CFAP44: variants seen among roughly 807,000 people sequenced by gnomAD.
CFAP44 encodes the protein cilia and flagella associated protein 44.
CFAP44 carries 134 observed loss-of-function variants against 216.2 expected under a neutral mutation model. That is an observed-to-expected ratio of 0.62 (90% confidence interval 0.54 to 0.72). The LOEUF (loss-of-function observed/expected upper bound fraction) is 0.72. CFAP44 is among the 30% of genes least tolerant of loss of function. The pLI is 0.00. For synonymous variants in CFAP44, 700 were observed against 727.6 expected (o/e 0.96, Z 0.61); for missense variants, 2,035 against 2,182.1 (o/e 0.93, Z 1.34).
intron 4 of CFAP44, among the ~76,000 whole-genome samples, chr3:113,423,269 C>G (rs1328832598): frequency 6.6e-6 from 1 of 151,898 alleles, no homozygotes; most frequent in Non-Finnish European, 1.5e-5. Flanking sequence ...TGTGCACCAC[C>G]ACACCTGGCT....
chr3:113,426,583 C>A (rs989249181), intron 3 of CFAP44: 9 of 266,432 alleles, frequency 3.4e-5, no homozygotes, highest in Non-Finnish European at 5.0e-5. Flanking sequence ...GAGGCCTCCC[C>A]AGCCATGCAG....
At chr3:113,427,440 A>G in intron 2 of CFAP44, 101 bp from the exon 3 acceptor site, 1 of 809,668 alleles carries the variant, frequency 1.2e-6, no homozygotes, top group Non-Finnish European at 1.9e-6. Flanking sequence ...AGATGTAATA[A>G]ATCTAATACA....
chr3:113,318,007 T>C (rs1230697946), intron 28 of CFAP44, among the ~76,000 whole-genome samples: 1 of 151,480 alleles, frequency 6.6e-6, no homozygotes, highest in Non-Finnish European at 1.5e-5. Context: ...ACTAAAGAGC[T>C]GTGCAGCTGG....
chr3:113,390,893 A>C (rs1160548667), intron 15 of CFAP44, among the ~76,000 whole-genome samples: 2 of 152,196 alleles, frequency 1.3e-5, no homozygotes, highest in Non-Finnish European at 2.9e-5. Context: ...TGGAAGAATC[A>C]ATATTGTTAA....
chr3:113,299,657 C>T (rs916541113), intron 32 of CFAP44, among the ~76,000 whole-genome samples: 12 of 152,260 alleles, frequency 7.9e-5, no homozygotes, highest in South Asian at 2.1e-4. Flanking sequence ...GATTTGGAAG[C>T]GACTTACTGT....
chr3:113,415,725 AG>A, intron 6 of CFAP44, among the ~76,000 whole-genome samples: 1 of 152,128 alleles, frequency 6.6e-6, no homozygotes, highest in Admixed American at 6.5e-5. Flanking sequence ...GTGGTCTGAG[AG>A]ACTGTTATGA....
At chr3:113,412,396 T>C (rs1934508568) in intron 6 of CFAP44, among the ~76,000 whole-genome samples, 1 of 149,490 alleles carries the variant, frequency 6.7e-6, no homozygotes, top group African/African-American at 2.5e-5. Context: ...TTCCATTAAA[T>C]ATATCTCTTT....
intron 23 of CFAP44, among the ~76,000 whole-genome samples, chr3:113,342,653 C>T (rs7652828): frequency 0.036 from 5,431 of 152,082 alleles, 306 homozygotes; most frequent in African/African-American, 0.12. Flanking sequence ...CTGAAGCCAA[C>T]TAAAAAACTC....
intron 17 of CFAP44, among the ~76,000 whole-genome samples, chr3:113,374,116 A>T (rs1254754563): frequency 6.6e-6 from 1 of 152,196 alleles, no homozygotes; most frequent in Non-Finnish European, 1.5e-5. Context: ...ATAAAAGAAT[A>T]AATAAGAAAG....
At chr3:113,395,887 A>AAT in intron 14 of CFAP44, 27 bp from the exon 15 acceptor site, 1 of 1,534,124 alleles carries the variant, frequency 6.5e-7, no homozygotes, top group Non-Finnish European at 9.0e-7. Flanking sequence ...ACACCGACGA[A>AAT]ATATATATTA....
intron 6 of CFAP44, among the ~76,000 whole-genome samples, chr3:113,410,260 A>G (rs929100482): frequency 3.3e-5 from 5 of 152,032 alleles, no homozygotes; most frequent in African/African-American, 4.8e-5. Context: ...TTAACTCAAC[A>G]TTTACATTAG....
At position 113,360,300 on chromosome 3, in the gene CFAP44, T is replaced by C. The variant is rs1411987847; in HGVS notation, c.2935-1425A>G. ...CAAGTGAGATACACCAGACACCTTA[T>C]TATTGTAGAAACATGTAGATTGTAT... is the stretch of plus-strand genomic sequence containing the variant. On this transcript the variant is annotated intron_variant, in intron 21 of 34. Transcript: ENST00000393845. 3 of 206,734 alleles carry C rather than the reference T, an allele frequency of 1.5e-5. No individual in the cohort carries two copies. In the East Asian group the frequency reaches 3.5e-4, roughly 24 times the overall value. The allele number at this position is 206,734 out of a possible 1,614,324, so 12.8% of individuals were successfully genotyped here.
rs1174846322 is a variant in CFAP44 at position 113,333,576 on chromosome 3, T to C, written c.3445A>G (p.Ser1149Gly). 4 of 1,517,968 alleles carry C rather than the reference T, an allele frequency of 2.6e-6. No homozygotes were observed. In the African/African-American group the frequency reaches 4.2e-5, roughly 16 times the overall value. 94.0% of individuals were successfully genotyped at this position (1,517,968 alleles called of 1,614,324 possible). Residue 1149 changes from serine to glycine, a missense_variant, in exon 25 of 35, where the codon AGT (serine) becomes GGT (glycine). Coordinates refer to ENST00000393845, the MANE Select transcript of CFAP44 (RefSeq NM_001164496.2). ...TCTTCATAGTCATCACCAGGTTTACTCTTGTATCTATTAGAAAAACAGACA... is the reference window on the plus strand; with the variant it reads ...TCTTCATAGTCATCACCAGGTTTACCCTTGTATCTATTAGAAAAACAGACA... ...RKKEWEELYK[S>G]KPGDDYEDPK...
Position 113,406,914 on chromosome 3 carries a change from T to A in CFAP44, c.1005+13A>T. The A allele has an allele frequency of 6.3e-7, 1 of 1,584,276 alleles. No homozygotes were observed. Among genetic ancestry groups the A allele is most frequent in the South Asian group, 1.1e-5 (1 of 90,288 alleles). On this transcript the variant is annotated intron_variant, in intron 8 of 34. Transcript: ENST00000393845. The stretch of plus-strand genomic sequence containing the variant: ...ACACAATTTTAATATTGTAGAATAG[T>A]AGCTGTACTCACCTTCCCATCTGGG...
At chr3:113,436,916 A>C (rs1008803772) in intron 1 of CFAP44, among the ~76,000 whole-genome samples, 3 of 152,238 alleles carry the variant, frequency 2.0e-5, no homozygotes, top group Non-Finnish European at 4.4e-5. Flanking sequence ...TTTGTGAGTC[A>C]AAAGTCCAGG....
chr3:113,392,938 A>G (rs2107350501), intron 15 of CFAP44, among the ~76,000 whole-genome samples: 1 of 152,270 alleles, frequency 6.6e-6, no homozygotes, highest in Middle Eastern at 3.4e-3. Context: ...TAGTCACATC[A>G]CAGCTGCCCA....
intron 28 of CFAP44, among the ~76,000 whole-genome samples, chr3:113,320,223 A>G (rs1576546091): frequency 7.0e-6 from 1 of 142,676 alleles, no homozygotes; most frequent in South Asian, 2.2e-4. Context: ...GAGGTATATT[A>G]GTCTCTCTCT....
At chr3:113,333,797 C>G (rs959415816) in intron 24 of CFAP44, among the ~76,000 whole-genome samples, 1 of 152,070 alleles carries the variant, frequency 6.6e-6, no homozygotes, top group Non-Finnish European at 1.5e-5. Context: ...ATTATATAAA[C>G]AGGAACCAAT....
Position 113,401,622 on chromosome 3 carries a change from T to G in CFAP44, c.1288A>C (p.Lys430Gln), listed in dbSNP as rs746626045. Residue 430 changes from lysine to glutamine, a missense_variant, in exon 10 of 35, where the codon AAA (lysine) becomes CAA (glutamine). Physicochemically the swap from Lys to Gln is moderately conservative, Grantham distance 53. This residue lies in a region of CFAP44 where 1,883 missense variants were observed against 2,023.7 expected (regional missense o/e 0.93). Coordinates refer to ENST00000393845, the MANE Select transcript of CFAP44 (RefSeq NM_001164496.2). The stretch of plus-strand genomic sequence containing the variant: ...AAGTTATTTCCAGTTTCATTCATTT[T>G]TATCATAGAGAAGAGATTCACATTC... ...DKNVNLFSMI[K>Q]MNETGNNFWL... The G allele has an allele frequency of 1.1e-5, 18 of 1,613,406 alleles. 1 individual carries two copies. Among genetic ancestry groups the G allele is most frequent in the Admixed American group, 6.7e-5 (4 of 59,910 alleles).
Sources: gnomAD v4.1 joint callset for allele counts (sites outside exome capture counted in the v4.1 genomes callset) on GRCh38, gnomAD v4.1.1 for gene constraint, gnomAD v4.1.1 regional missense constraint, MANE v1.5 for transcripts, NCBI Gene and HGNC (gene_info 2026-07-23, HGNC 2026-07-21) for gene names.